Variants in RNF213 observed in about 807,000 individuals in gnomAD.
RNF213 encodes the protein E3 ubiquitin-protein ligase RNF213.
In RNF213, 341 loss-of-function variants were observed where a neutral mutation model predicts 514.4. The observed-to-expected ratio is 0.66, with a 90% CI of 0.61 to 0.73. The LOEUF (loss-of-function observed/expected upper bound fraction) is 0.73, where lower values mean the gene tolerates loss of function less well. RNF213 is among the 30% of genes least tolerant of loss of function. RNF213 has a pLI of 0.00. For missense variants in RNF213, 5,767 were observed against 6,615.6 expected, an observed-to-expected ratio of 0.87 and a Z score of 4.45; for synonymous variants, 2,655 against 2,658.2, an observed-to-expected ratio of 1.00 and a Z score of 0.04.
chr17:80,307,121 G>A lies in RNF213; in HGVS notation c.2428-7G>A, dbSNP rs768419878. On this transcript the variant is annotated splice_region_variant and splice_polypyrimidine_tract_variant and intron_variant, in intron 12 of 67. Transcript: ENST00000582970. Reference sequence around the variant, plus strand: ...TTGTCCTGTTTTTCTTTTTTTCTCTGCCTTAGGATGTTCAGGATGTTCAGA... The same window carrying A: ...TTGTCCTGTTTTTCTTTTTTTCTCTACCTTAGGATGTTCAGGATGTTCAGA... 5 of 1,613,288 alleles carry A rather than the reference G, an allele frequency of 3.1e-6. No individual in the cohort carries two copies. The South Asian group carries it at 4.4e-5, about 14-fold the overall frequency.
At chr17:80,306,174 C>A (rs1158988694) in intron 11 of RNF213, 78 bp from the exon 12 acceptor site, 2 of 1,375,520 alleles carry the variant, frequency 1.5e-6, no homozygotes, top group African/African-American at 1.4e-5. Context: ...GTTTCTGTCC[C>A]TCCAGCATTG....
In RNF213 at chr17:80,380,915, C is replaced by G. The variant is rs1321511493; in HGVS notation, c.13725C>G (p.Pro4575=). ...TGGTGACATGTGACCGAGGGCTGCCCCCAGTGGTCTTCCTCCTTATCCGGC... is the reference window on the plus strand; with the variant it reads ...TGGTGACATGTGACCGAGGGCTGCCGCCAGTGGTCTTCCTCCTTATCCGGC... ...RDVVTCDRGL[P]PVVFLLIRLL... is the part of the protein sequence containing the mutation. The change falls in exon 56 of 68, where the codon CCC becomes CCG. Residue 4575 remains proline, a synonymous_variant. Transcript: ENST00000582970. 6.2e-7 allele frequency: 1 copy of G among 1,614,134 alleles called. No homozygotes were observed. Among genetic ancestry groups the G allele is most frequent in the Admixed American group, 1.7e-5 (1 of 60,020 alleles).
At position 80,344,584 on chromosome 17, in the gene RNF213, T is replaced by A. The variant is rs962730877; in HGVS notation, c.6343-94T>A. On this transcript the variant is annotated intron_variant, in intron 28 of 67. Coordinates refer to ENST00000582970, the MANE Select transcript of RNF213 (RefSeq NM_001256071.3). ...ATTTTCAGTGCGTTTTTCATAAAGGTCCATCCAATATAGATAACGTGGAGG... is the reference window on the plus strand; with the variant it reads ...ATTTTCAGTGCGTTTTTCATAAAGGACCATCCAATATAGATAACGTGGAGG... 4.4e-6 allele frequency: 6 copies of A among 1,354,082 alleles called. No individual in the cohort carries two copies. In the African/African-American group the frequency reaches 8.6e-5, roughly 20 times the overall value. The allele number at this position is 1,354,082 out of a possible 1,614,324, so 83.9% of individuals were successfully genotyped here.
intron 14 of RNF213, among the ~76,000 whole-genome samples, chr17:80,311,481 C>T (rs544192383): frequency 1.4e-4 from 21 of 152,314 alleles, no homozygotes; most frequent in Middle Eastern, 3.4e-3. Flanking sequence ...CGTTTTCTGT[C>T]GGCCCCCGCC....
At position 80,339,661 on chromosome 17, in the gene RNF213, C is replaced by T. The variant is rs975162487; in HGVS notation, c.5294C>T (p.Pro1765Leu). The T allele has an allele frequency of 1.3e-5, 20 of 1,536,970 alleles. No homozygotes were observed. Among genetic ancestry groups the T allele is most frequent in the Non-Finnish European group, 1.7e-5 (19 of 1,146,802 alleles). ...ATGAGGAGAGTCATGGAAGAGCTCCCGCTGATGCTCTTATCAGAGTTCAGC... is the reference window on the plus strand; with the variant it reads ...ATGAGGAGAGTCATGGAAGAGCTCCTGCTGATGCTCTTATCAGAGTTCAGC... ...YRMRRVMEEL[P>L]LMLLSEFSLV... Residue 1765 changes from proline (P) to leucine (L), a missense_variant, in exon 26 of 68, where the codon CCG becomes CTG. By Grantham distance (98) the Pro-to-Leu change is moderately conservative. Around this residue, in one of 13 missense-constraint regions of RNF213, gnomAD observed 1,377 missense variants for 1,635.2 expected, o/e 0.84. Coordinates refer to ENST00000582970, the MANE Select transcript of RNF213 (RefSeq NM_001256071.3).
rs2077916579 is a variant in RNF213, at chr17:80,334,164, C to T, written c.4203C>T (p.Ile1401=). Residue 1401 remains isoleucine, a synonymous_variant, in exon 22 of 68, where the codon ATC becomes ATT. Transcript: ENST00000582970. The stretch of plus-strand genomic sequence containing the variant: ...TGGACCAGATCAACCAGGAGCTCAT[C>T]CAGGCCAAAAAGCTGCTCCAGGACA... ...ETLDQINQEL[I]QAKKLLQDIS... 5.9e-6 allele frequency: 9 copies of T among 1,537,218 alleles called. No homozygotes were observed. Among genetic ancestry groups the T allele is most frequent in the Non-Finnish European group, 7.8e-6 (9 of 1,146,894 alleles).
intron 6 of RNF213, among the ~76,000 whole-genome samples, 160 bp from the exon 7 acceptor site, chr17:80,290,410 T>C (rs1003838800): frequency 3.7e-5 from 5 of 136,514 alleles, no homozygotes; most frequent in South Asian, 2.3e-4. Flanking sequence ...TGCTTGTGTG[T>C]GTGCGTGTGT....
rs769089911 is a variant in RNF213, at chr17:80,346,337, A to G, written c.8002A>G (p.Lys2668Glu). The change falls in exon 29 of 68, where the codon AAG (lysine) becomes GAG (glutamate). Residue 2668 changes from lysine (K) to glutamate (E), a missense_variant. Physicochemically the swap from Lys to Glu is moderately conservative, Grantham distance 56. Coordinates refer to ENST00000582970, the MANE Select transcript of RNF213 (RefSeq NM_001256071.3). This position sits in a 1 kb window ranked among gnomAD's most constrained non-coding sequence, Gnocchi z 8.1. ...AGCGCAGCTGAATGCCTTTCTCTCCAAGTCCAGCGTCAGCAAAAATCACAC... is the reference window on the plus strand; with the variant it reads ...AGCGCAGCTGAATGCCTTTCTCTCCGAGTCCAGCGTCAGCAAAAATCACAC... Reference protein sequence around the residue: ...LLAQLNAFLSKSSVSKNHTER... With the variant: ...LLAQLNAFLSESSVSKNHTER... The G allele has an allele frequency of 6.2e-7, 1 of 1,613,852 alleles. No homozygotes were observed. The highest frequency in any genetic ancestry group is 8.5e-7 in the Non-Finnish European group (1 of 1,180,014).
At chr17:80,281,337 C>CAA (rs1365667652) in intron 3 of RNF213, among the ~76,000 whole-genome samples, 1 of 71,478 alleles carries the variant, frequency 1.4e-5, no homozygotes, top group Non-Finnish European at 3.3e-5. Flanking sequence ...CACACACGCC[C>CAA]CCACACACAC....
chr17:80,313,861 T>C (rs111171109), intron 15 of RNF213, among the ~76,000 whole-genome samples: 1 of 108,024 alleles, frequency 9.3e-6, no homozygotes, highest in Non-Finnish European at 1.9e-5. Flanking sequence ...GAGGTGATGG[T>C]GGTGGTGAAG....
chr17:80,346,699 C>T lies in RNF213; in HGVS notation c.8364C>T (p.Gly2788=), dbSNP rs1259382279. 1 of 1,611,138 alleles carries T rather than the reference C, an allele frequency of 6.2e-7. No homozygotes were observed. The highest frequency in any genetic ancestry group is 1.7e-5 in the Admixed American group (1 of 60,024). ...AKTIVADAMQ[G]PAAYSDLFRS... ...CCATCGTGGCAGACGCCATGCAGGGCCCGGCTGCCTACTCAGATCTCTTCC... is the reference window on the plus strand; with the variant it reads ...CCATCGTGGCAGACGCCATGCAGGGTCCGGCTGCCTACTCAGATCTCTTCC... Residue 2788 remains glycine, a synonymous_variant, in exon 29 of 68, where the codon GGC becomes GGT. Transcript: ENST00000582970. The surrounding 1 kb of genome is among the most constrained non-coding windows in gnomAD (Gnocchi z 8.1).
At chr17:80,312,464 T>C (rs1458398350) in intron 14 of RNF213, among the ~76,000 whole-genome samples, 5 of 123,876 alleles carry the variant, frequency 4.0e-5, no homozygotes, top group African/African-American at 1.3e-4. Context: ...TGGTCTGGCA[T>C]GGAGGCAGGG....
Position 80,375,563 on chromosome 17 carries a change from G to A in RNF213, c.13075-197G>A, listed in dbSNP as rs571010705. On this transcript the variant is annotated intron_variant, in intron 50 of 67. Transcript: ENST00000582970. ...AAAAGAAAAAAAAAAAGAATTAGCC[G>A]GACATGGTTGCGTGTGCCTGTAGTC... Among the ~76,000 whole-genome samples the A allele has an allele frequency of 1.1e-4, 16 of 151,734 alleles. No homozygotes were observed. In the South Asian group the frequency reaches 1.3e-3, roughly 12 times the overall value.
chr17:80,389,301 C>T lies in RNF213; in HGVS notation c.15129C>T (p.Asn5043=). Residue 5043 remains asparagine, a synonymous_variant, in exon 65 of 68, where the codon AAC becomes AAT. Coordinates refer to ENST00000582970, the MANE Select transcript of RNF213 (RefSeq NM_001256071.3). ...TGAGCACAGCTGGTGGGGATCCAAA[C>T]ATGCAGCTGAATGTGTATACTCAAG... ...GFLSTAGGDP[N]MQLNVYTQDI... 6.2e-7 allele frequency: 1 copy of T among 1,614,218 alleles called. No homozygotes were observed. Among genetic ancestry groups the T allele is most frequent in the Non-Finnish European group, 8.5e-7 (1 of 1,180,036 alleles).
Position 80,344,993 on chromosome 17 carries a change from C to G in RNF213, c.6658C>G (p.Arg2220Gly). 6.2e-7 allele frequency: 1 copy of G among 1,614,106 alleles called. No individual in the cohort carries two copies. Among genetic ancestry groups the G allele is most frequent in the Non-Finnish European group, 8.5e-7 (1 of 1,180,028 alleles). Residue 2220 changes from arginine to glycine, a missense_variant, in exon 29 of 68, where the codon CGG becomes GGG. Physicochemically the swap from Arg to Gly is moderately radical, Grantham distance 125. Around this residue, in one of 13 missense-constraint regions of RNF213, gnomAD observed 1,377 missense variants for 1,635.2 expected, o/e 0.84. Transcript: ENST00000582970. ...CTGGTCAGAGCTTCGGAACTTTGCT[C>G]GGTTCCTGAATTATCAGCTCAGAGA... is the stretch of plus-strand genomic sequence containing the variant. ...PSWSELRNFA[R>G]FLNYQLRDCE...
chr17:80,386,412 T>A lies in RNF213; in HGVS notation c.14702T>A (p.Leu4901His), dbSNP rs1420411133. The A allele has an allele frequency of 5.0e-6, 8 of 1,613,940 alleles. No individual in the cohort carries two copies. In the East Asian group the frequency reaches 1.6e-4, roughly 31 times the overall value. ...GAAATTGTCTACGCCGTGGAAAAAC[T>A]CTCCAAGGAAAACAACAGGTTTGTG... ...HNEIVYAVEKLSKENNSYSVD... is the reference protein window; with the variant it reads ...HNEIVYAVEKHSKENNSYSVD... Residue 4901 changes from leucine (L) to histidine (H), a missense_variant, in exon 62 of 68, where the codon CTC becomes CAC. This residue lies in a region of RNF213 where 1,245 missense variants were observed against 1,339.0 expected (regional missense o/e 0.93). Transcript: ENST00000582970.
chr17:80,348,311 C>T lies in RNF213; in HGVS notation c.9951+25C>T, dbSNP rs373627488. On this transcript the variant is annotated intron_variant, in intron 29 of 67. Transcript: ENST00000582970. ...GGTGATTGTCTTTCTGCACTTGTAC[C>T]CTATCCCCTGTCACCCAAGAGTCCT... is the stretch of plus-strand genomic sequence containing the variant. The T allele has an allele frequency of 6.8e-6, 11 of 1,606,216 alleles. No individual in the cohort carries two copies. In the African/African-American group the frequency reaches 1.2e-4, roughly 18 times the overall value.
intron 18 of RNF213, among the ~76,000 whole-genome samples, chr17:80,327,561 G>A (rs2046312453): frequency 6.6e-6 from 1 of 152,134 alleles, no homozygotes; most frequent in Non-Finnish European, 1.5e-5. Context: ...TCTCCCAGCT[G>A]ATTTTGGCCA....
rs886518048 is a variant in RNF213 at position 80,389,484 on chromosome 17, A to C, written c.15195+117A>C. Reference sequence around the variant, plus strand: ...CTAGGCGCTCCTGAAAAGGATGGGGAGACAAGAACAACTGCTCACCCAGTC... The same window carrying C: ...CTAGGCGCTCCTGAAAAGGATGGGGCGACAAGAACAACTGCTCACCCAGTC... On this transcript the variant is annotated intron_variant, in intron 65 of 67. Coordinates refer to ENST00000582970, the MANE Select transcript of RNF213 (RefSeq NM_001256071.3). 42 of 892,200 alleles carry C rather than the reference A, an allele frequency of 4.7e-5. No individual in the cohort carries two copies. The Admixed American group carries it at 8.3e-4, about 18-fold the overall frequency. 55.3% of individuals were successfully genotyped at this position (892,200 alleles called of 1,614,324 possible).
Sources: gnomAD v4.1 joint callset for allele counts (sites outside exome capture counted in the v4.1 genomes callset) on GRCh38, gnomAD v4.1.1 for gene constraint, gnomAD v4.1.1 regional missense constraint, Gnocchi (gnomAD v3.1) non-coding constraint, MANE v1.5 for transcripts, NCBI Gene and HGNC (gene_info 2026-07-23, HGNC 2026-07-21) for gene names.